PCDHGA4: variants seen among roughly 807,000 people sequenced by gnomAD.
The protein encoded by PCDHGA4 is protocadherin gamma-A4.
Under a neutral mutation model 54.6 loss-of-function variants are expected in PCDHGA4, and 38 were observed. The ratio of observed to expected loss-of-function variants is 0.70; its 90% CI spans 0.54 to 0.91. The LOEUF is 0.91. Among genes scored for constraint, PCDHGA4 ranks in the 40% least tolerant of loss-of-function variants. The probability of loss-of-function intolerance (pLI) is 0.00; values close to 1 mark genes in which losing one functional copy is unlikely to be tolerated. For missense variants in PCDHGA4, 1,298 were observed against 1,220.9 expected (o/e 1.06, Z -0.94); for synonymous variants, 511 against 512.9 (o/e 1.00, Z 0.05).
Position 141,431,352 on chromosome 5 carries a change from G to C in PCDHGA4, c.2515-63455G>C. Reference sequence around the variant, plus strand: ...AAGTACCCCGAATTGGTGCTGAAACGCGCCCTGGACCGCGAAGAAAAGGCT... The same window carrying C: ...AAGTACCCCGAATTGGTGCTGAAACCCGCCCTGGACCGCGAAGAAAAGGCT... On this transcript the variant is annotated intron_variant, in intron 1 of 3. Coordinates refer to ENST00000571252, the MANE Select transcript of PCDHGA4 (RefSeq NM_018917.4). This position sits in a 1 kb window ranked among gnomAD's most constrained non-coding sequence, Gnocchi z 4.8. The C allele has an allele frequency of 6.2e-7, 1 of 1,614,044 alleles. No individual in the cohort carries two copies. The highest frequency in any genetic ancestry group is 8.5e-7 in the Non-Finnish European group (1 of 1,180,032).
chr5:141,442,153 C>T, intron 1 of PCDHGA4: 1 of 158,698 alleles, frequency 6.3e-6, no homozygotes, highest in Non-Finnish European at 1.4e-5. Flanking sequence ...CAGACCTCAG[C>T]GATCACTCTG....
chr5:141,457,798 C>T (rs1233396158), intron 1 of PCDHGA4, among the ~76,000 whole-genome samples: 5 of 152,194 alleles, frequency 3.3e-5, no homozygotes, highest in African/African-American at 9.6e-5. Context: ...GTTATCCTCT[C>T]CTCTTGAGGT....
rs376773009 is a variant in PCDHGA4, at chr5:141,511,838, C to T, written c.*665C>T. 64 of 156,854 alleles carry T rather than the reference C, an allele frequency of 4.1e-4. No homozygotes were observed. Among genetic ancestry groups the T allele is most frequent in the Non-Finnish European group, 6.8e-4 (48 of 70,726 alleles). The allele number at this position is 156,854 out of a possible 1,614,324, so 9.7% of individuals were successfully genotyped here. A position where few individuals can be genotyped will look rare whatever the true frequency, so the allele number is the denominator to read the frequency against. ...TCTTCCCAACGCCCTGGGGACCAGTCTTCTGTTTTGTTTTTCATTGTTTGA... is the reference window on the plus strand; with the variant it reads ...TCTTCCCAACGCCCTGGGGACCAGTTTTCTGTTTTGTTTTTCATTGTTTGA... On this transcript the variant is annotated 3_prime_UTR_variant, in exon 4 of 4. Transcript: ENST00000571252.
rs374476072 is a variant in PCDHGA4, at chr5:141,419,103, C to T, written c.2514+61482C>T. 5 of 1,613,886 alleles carry T rather than the reference C, an allele frequency of 3.1e-6. 1 individual carries two copies. Among genetic ancestry groups the T allele is most frequent in the South Asian group, 1.1e-5 (1 of 91,088 alleles). On this transcript the variant is annotated intron_variant, in intron 1 of 3. Transcript: ENST00000571252. ...GATGAGGCCCTGGATCGGGAGCAGA[C>T]CCCAGAGTACAACGTCACCATCGCA... is the stretch of plus-strand genomic sequence containing the variant.
intron 1 of PCDHGA4, chr5:141,410,258 G>T: frequency 6.2e-7 from 1 of 1,614,022 alleles, no homozygotes; most frequent in Non-Finnish European, 8.5e-7. Flanking sequence ...TGACCCCCAG[G>T]CTGAACTGCA....
In PCDHGA4 at chr5:141,419,882, T is replaced by A. The variant is rs145814583; in HGVS notation, c.2514+62261T>A. ...TAGCTTGCAAGAGGTACTGCCGGAT[T>A]TCAGCGACCATCCCACACCCTCTGA... On this transcript the variant is annotated intron_variant, in intron 1 of 3. Transcript: ENST00000571252. The A allele has an allele frequency of 4.9e-3, 7,980 of 1,614,092 alleles. 44 individuals carry two copies. Among genetic ancestry groups the A allele is most frequent in the Admixed American group, 9.4e-3 (567 of 60,032 alleles).
chr5:141,443,367 C>T (rs1305408862), intron 1 of PCDHGA4, among the ~76,000 whole-genome samples: 1 of 151,712 alleles, frequency 6.6e-6, no homozygotes, highest in African/African-American at 2.4e-5. Flanking sequence ...TGCCTGTGGT[C>T]TCAGCTACTT....
At position 141,489,985 on chromosome 5, in the gene PCDHGA4, G is replaced by A. The variant is rs761481986; in HGVS notation, c.2515-4822G>A. ...AACCTTCCAATCCTCAGTTCTACGT[G>A]TGGGAATCCCAGAGAATGCACCCAT... On this transcript the variant is annotated intron_variant, in intron 1 of 3. Transcript: ENST00000571252. The surrounding 1 kb of genome is among the most constrained non-coding windows in gnomAD (Gnocchi z 4.5). The A allele has an allele frequency of 1.2e-6, 2 of 1,614,094 alleles. No homozygotes were observed. Among genetic ancestry groups the A allele is most frequent in the African/African-American group, 2.7e-5 (2 of 74,946 alleles).
chr5:141,419,122 C>T (rs1418298635), intron 1 of PCDHGA4: 2 of 1,613,862 alleles, frequency 1.2e-6, no homozygotes, highest in African/African-American at 1.3e-5. Flanking sequence ...ACAACGTCAC[C>T]ATCGCAGCCA....
intron 1 of PCDHGA4, chr5:141,374,128 GCTC>G: frequency 6.2e-7 from 1 of 1,603,488 alleles, no homozygotes; most frequent in Non-Finnish European, 8.5e-7. Flanking sequence ...AGCAGGTCCT[GCTC>G]CTCACGCTCC....
intron 1 of PCDHGA4, chr5:141,400,208 T>G: frequency 6.2e-7 from 1 of 1,614,042 alleles, no homozygotes; most frequent in South Asian, 1.1e-5. Context: ...GCCTTGGCCT[T>G]GATCTCAGTG....
Position 141,489,147 on chromosome 5 carries a change from A to G in PCDHGA4, c.2515-5660A>G. On this transcript the variant is annotated intron_variant, in intron 1 of 3. Coordinates refer to ENST00000571252, the MANE Select transcript of PCDHGA4 (RefSeq NM_018917.4). The surrounding 1 kb of genome is among the most constrained non-coding windows in gnomAD (Gnocchi z 4.5). ...GCAGTTTTTAAGAGGCTGGAAGGAG[A>G]CATAAGAGACTTCAGCTGCTGCATT... The G allele has an allele frequency of 1.2e-6, 1 of 802,676 alleles. No homozygotes were observed. Among genetic ancestry groups the G allele is most frequent in the Non-Finnish European group, 1.9e-6 (1 of 528,868 alleles). 49.7% of individuals were successfully genotyped at this position (802,676 alleles called of 1,614,324 possible). A position where few individuals can be genotyped will look rare whatever the true frequency, so the allele number is the denominator to read the frequency against.
intron 1 of PCDHGA4, chr5:141,413,635 A>C: frequency 6.2e-7 from 1 of 1,613,888 alleles, no homozygotes; most frequent in Non-Finnish European, 8.5e-7. Context: ...CGCTGCGGGA[A>C]TGCGTTTTCC....
At position 141,487,505 on chromosome 5, in the gene PCDHGA4, G is replaced by GTA; in HGVS notation, c.2515-7302_2515-7301insTA. The GTA allele has an allele frequency of 1.2e-6, 2 of 1,614,200 alleles. No homozygotes were observed. The highest frequency in any genetic ancestry group is 1.7e-6 in the Non-Finnish European group (2 of 1,180,032). ...TCATGGCTGTACACCCTTGGCTTCTGCACCCACTCGGAGTGATAGCTTCAT... is the reference window on the plus strand; with the variant it reads ...TCATGGCTGTACACCCTTGGCTTCTGTACACCCACTCGGAGTGATAGCTTCAT... On this transcript the variant is annotated intron_variant, in intron 1 of 3. Coordinates refer to ENST00000571252, the MANE Select transcript of PCDHGA4 (RefSeq NM_018917.4). This position sits in a 1 kb window ranked among gnomAD's most constrained non-coding sequence, Gnocchi z 5.0.
intron 1 of PCDHGA4, chr5:141,360,898 G>A (rs1252117170): frequency 6.2e-7 from 1 of 1,614,040 alleles, no homozygotes; most frequent in Non-Finnish European, 8.5e-7. Flanking sequence ...GAGGGAGGAC[G>A]TGCCGCCGGG....
chr5:141,362,218 G>T, intron 1 of PCDHGA4: 1 of 1,614,032 alleles, frequency 6.2e-7, no homozygotes, highest in South Asian at 1.1e-5. Context: ...CCTGGTTGTG[G>T]CCTTGGCCTT....
intron 2 of PCDHGA4, among the ~76,000 whole-genome samples, chr5:141,495,936 T>C (rs1329369782): frequency 6.6e-6 from 1 of 152,206 alleles, no homozygotes; most frequent in Non-Finnish European, 1.5e-5. Flanking sequence ...GTCTCTGGTC[T>C]CTGTGCCTGT....
intron 2 of PCDHGA4, among the ~76,000 whole-genome samples, chr5:141,500,254 G>A (rs1260325865): frequency 1.3e-5 from 2 of 150,426 alleles, no homozygotes; most frequent in Non-Finnish European, 3.0e-5. Context: ...TGTCACCCAG[G>A]CTGGACTGCA....
At chr5:141,423,660 G>A (rs765304048) in intron 1 of PCDHGA4, 1 of 1,560,482 alleles carries the variant, frequency 6.4e-7, no homozygotes, top group Admixed American at 1.9e-5. Flanking sequence ...CAAGTAATCA[G>A]GTGAGATTTA....
Sources: gnomAD v4.1 joint callset for allele counts (sites outside exome capture counted in the v4.1 genomes callset) on GRCh38, gnomAD v4.1.1 for gene constraint, Gnocchi (gnomAD v3.1) non-coding constraint, MANE v1.5 for transcripts, NCBI Gene and HGNC (gene_info 2026-07-23, HGNC 2026-07-21) for gene names.